The following KCNMA1 variants were observed in gnomAD, a reference collection of about 807,000 sequenced individuals.
KCNMA1 encodes the protein potassium calcium-activated channel subfamily M alpha 1, also known as Calcium-activated potassium channel subunit alpha-1.
A neutral mutation model predicts 140.0 loss-of-function variants in KCNMA1; 29 were observed. That is an observed-to-expected ratio of 0.21 (90% CI 0.15 to 0.28). The LOEUF is 0.28. Among genes scored for constraint, KCNMA1 ranks in the 10% least tolerant of loss-of-function variants. KCNMA1 has a pLI of 1.00. For missense variants in KCNMA1, 880 were observed against 1,602.2 expected, an observed-to-expected ratio of 0.55 and a Z score of 7.70; for synonymous variants, 612 against 611.9, an observed-to-expected ratio of 1.00 and a Z score of 0.00.
At chr10:76,996,394 G>A (rs1402267178) in intron 19 of KCNMA1, among the ~76,000 whole-genome samples, 1 of 152,162 alleles carries the variant, frequency 6.6e-6, no homozygotes, top group Non-Finnish European at 1.5e-5. Flanking sequence ...CAATAAGAGT[G>A]TCTTAAGAAG....
intron 9 of KCNMA1, among the ~76,000 whole-genome samples, chr10:77,096,698 T>C (rs764642508): frequency 2.6e-5 from 4 of 152,200 alleles, no homozygotes; most frequent in African/African-American, 9.7e-5. Flanking sequence ...ACAGAGTAAA[T>C]TGAAAATCCT....
At chr10:77,442,624 G>A (rs1263715846) in intron 1 of KCNMA1, among the ~76,000 whole-genome samples, 2 of 152,222 alleles carry the variant, frequency 1.3e-5, no homozygotes, top group African/African-American at 2.4e-5. Context: ...AGGACCTATC[G>A]AGAGAGCAGG....
chr10:76,944,711 T>TC, intron 23 of KCNMA1, 62 bp downstream of exon 23: 1 of 1,453,978 alleles, frequency 6.9e-7, no homozygotes, highest in Non-Finnish European at 9.6e-7. Flanking sequence ...GTGAAGGATA[T>TC]CCCTCTTGCC....
At position 77,380,056 on chromosome 10, in the gene KCNMA1, G is replaced by A. The variant is rs115407017; in HGVS notation, c.540+23806C>T. ...TAGTAAATCCTTCATAAACACTAGT[G>A]TTCATTATTAGTTGGGGTTACAAAT... On this transcript the variant is annotated intron_variant, in intron 2 of 27. Transcript: ENST00000286628. Among the ~76,000 whole-genome samples, 3 of 152,264 alleles carry A rather than the reference G, an allele frequency of 2.0e-5. No homozygotes were observed. In the East Asian group the frequency reaches 5.8e-4, roughly 29 times the overall value.
intron 2 of KCNMA1, among the ~76,000 whole-genome samples, chr10:77,291,675 C>A (rs192980378): frequency 6.6e-6 from 1 of 152,276 alleles, no homozygotes; most frequent in East Asian, 1.9e-4. Flanking sequence ...AGAGAGGCTG[C>A]GGTGAGCTGC....
chr10:77,085,343 C>A (rs1013890162), intron 11 of KCNMA1, among the ~76,000 whole-genome samples: 1 of 152,154 alleles, frequency 6.6e-6, no homozygotes, highest in African/African-American at 2.4e-5. Context: ...CAAAATATAC[C>A]TACTGACTTA....
intron 1 of KCNMA1, among the ~76,000 whole-genome samples, chr10:77,507,382 C>T (rs1363922032): frequency 6.6e-6 from 1 of 152,134 alleles, no homozygotes; most frequent in Non-Finnish European, 1.5e-5. Flanking sequence ...ACCTGAGGAC[C>T]GAATCAGGAA....
At chr10:77,314,495 T>A (rs569532134) in intron 2 of KCNMA1, among the ~76,000 whole-genome samples, 1 of 152,316 alleles carries the variant, frequency 6.6e-6, no homozygotes, top group South Asian at 2.1e-4. Flanking sequence ...AGAATGTCAA[T>A]TGCGCCCCTG....
intron 1 of KCNMA1, among the ~76,000 whole-genome samples, chr10:77,570,930 C>CAA (rs376767570): frequency 0.047 from 6,830 of 144,932 alleles, 536 homozygotes; most frequent in African/African-American, 0.16. Flanking sequence ...GACTCTGTCT[C>CAA]AAAAAAAAAA....
At chr10:77,330,786 G>A (rs1169637652) in intron 2 of KCNMA1, among the ~76,000 whole-genome samples, 1 of 152,122 alleles carries the variant, frequency 6.6e-6, no homozygotes, top group Non-Finnish European at 1.5e-5. Flanking sequence ...GTTCAAGGGA[G>A]AACTTGAATC....
At chr10:77,296,313 T>C (rs1313175949) in intron 2 of KCNMA1, among the ~76,000 whole-genome samples, 2 of 152,084 alleles carry the variant, frequency 1.3e-5, no homozygotes, top group Non-Finnish European at 2.9e-5. Flanking sequence ...CTCTAGAGGC[T>C]AGAAAAGGAA....
chr10:76,885,411 CCT>C lies in KCNMA1; in HGVS notation c.*1853_*1854del. ...ATACTGGTTTGAATACTACGCTGCCCCTGTCTTTGGTGTGGGGGAGGGTGGAG... is the reference window on the plus strand; with the variant it reads ...ATACTGGTTTGAATACTACGCTGCCCGTCTTTGGTGTGGGGGAGGGTGGAG... On this transcript the variant is annotated 3_prime_UTR_variant, in exon 28 of 28. Coordinates refer to ENST00000286628, the MANE Select transcript of KCNMA1 (RefSeq NM_001161352.2). 1.0e-6 allele frequency: 1 copy of C among 984,996 alleles called. No homozygotes were observed. Among genetic ancestry groups the C allele is most frequent in the South Asian group, 4.7e-5 (1 of 21,266 alleles). The allele number at this position is 984,996 out of a possible 1,614,324, so 61.0% of individuals were successfully genotyped here.
In KCNMA1 at chr10:76,953,794, C is replaced by T. The variant is rs13377017; in HGVS notation, c.2484+7G>A. The T allele has an allele frequency of 2.9e-4, 465 of 1,614,000 alleles. No homozygotes were observed. The African/African-American group carries it at 5.8e-3, about 20-fold the overall frequency. ...GGGCAACATCAGATGCACAGTCCCT[C>T]ACTCACCAGGATGACTTTCTCTATC... On this transcript the variant is annotated splice_region_variant and intron_variant, in intron 21 of 27. Transcript: ENST00000286628.
chr10:77,364,674 C>T (rs2094221978), intron 2 of KCNMA1, among the ~76,000 whole-genome samples: 1 of 152,102 alleles, frequency 6.6e-6, no homozygotes, highest in South Asian at 2.1e-4. Flanking sequence ...TCTCACTTTT[C>T]CTACCAAATG....
chr10:77,320,303 T>C (rs909455324), intron 2 of KCNMA1, among the ~76,000 whole-genome samples: 1 of 151,956 alleles, frequency 6.6e-6, no homozygotes, highest in African/African-American at 2.4e-5. Context: ...ACACAGGAAA[T>C]AGTAGCATTA....
intron 2 of KCNMA1, among the ~76,000 whole-genome samples, chr10:77,284,932 C>T (rs1057346319): frequency 6.6e-6 from 1 of 152,040 alleles, no homozygotes; most frequent in African/African-American, 2.4e-5. Context: ...ATAAACATTC[C>T]TTCATTTCTC....
rs1304629447 is a variant in KCNMA1, at chr10:77,464,544, GA to G, written c.379-60522del. Among the ~76,000 whole-genome samples the G allele has an allele frequency of 2.0e-5, 3 of 152,204 alleles. No individual in the cohort carries two copies. The Middle Eastern group carries it at 0.01, about 518-fold the overall frequency. ...TAAGTAAGCCAGAGCATTTCATCTG[GA>G]AATCCCTGGTCTGGTGTTACCCATT... On this transcript the variant is annotated intron_variant, in intron 1 of 27. Transcript: ENST00000286628.
chr10:77,499,422 T>C (rs59437934), intron 1 of KCNMA1, among the ~76,000 whole-genome samples: 11,876 of 105,484 alleles, frequency 0.11, 1,282 homozygotes, highest in African/African-American at 0.31. Flanking sequence ...TATATATATA[T>C]ACACACACAC....
At chr10:77,290,571 G>C (rs759781094) in intron 2 of KCNMA1, among the ~76,000 whole-genome samples, 1 of 152,160 alleles carries the variant, frequency 6.6e-6, no homozygotes, top group South Asian at 2.1e-4. Flanking sequence ...AATTATTCAC[G>C]TGCACAGACC....
Sources: gnomAD v4.1 joint callset for allele counts (sites outside exome capture counted in the v4.1 genomes callset) on GRCh38, gnomAD v4.1.1 for gene constraint, MANE v1.5 for transcripts, NCBI Gene and HGNC (gene_info 2026-07-23, HGNC 2026-07-21) for gene names.